TXNDC16: variants seen among roughly 807,000 people sequenced by gnomAD.
TXNDC16 encodes the protein thioredoxin domain-containing protein 16.
TXNDC16 carries 74 observed loss-of-function variants against 85.6 expected under a neutral mutation model. That is an observed-to-expected ratio of 0.86 (90% CI 0.72 to 1.05). The LOEUF is 1.05. Among genes scored for constraint, TXNDC16 ranks in the 50% least tolerant of loss-of-function variants. The pLI is 0.00. For synonymous variants in TXNDC16, 335 were observed against 326.5 expected, an observed-to-expected ratio of 1.03 and a Z score of -0.28; for missense variants, 959 against 947.0, an observed-to-expected ratio of 1.01 and a Z score of -0.17.
In TXNDC16 at chr14:52,440,631, T is replaced by C; in HGVS notation, c.1936A>G (p.Lys646Glu). ...TTTACCAGTGTCAATATTGCTTTTTTATACTGAGGATTTACAGTGCCATCA... is the reference window on the plus strand; with the variant it reads ...TTTACCAGTGTCAATATTGCTTTTTCATACTGAGGATTTACAGTGCCATCA... ...FSDGTVNPQY[K>E]KAILTLVKQK... The change falls in exon 19 of 21, where the codon AAA (lysine) becomes GAA (glutamate). Residue 646 changes from lysine (K) to glutamate (E), a missense_variant. Transcript: ENST00000281741. The C allele has an allele frequency of 6.2e-7, 1 of 1,610,670 alleles. No individual in the cohort carries two copies. The highest frequency in any genetic ancestry group is 8.5e-7 in the Non-Finnish European group (1 of 1,178,976).
In TXNDC16 at chr14:52,470,563, A is replaced by G. The variant is rs761273331; in HGVS notation, c.1430T>C (p.Val477Ala). 1 of 1,614,020 alleles carries G rather than the reference A, an allele frequency of 6.2e-7. No homozygotes were observed. The highest frequency in any genetic ancestry group is 8.5e-7 in the Non-Finnish European group (1 of 1,179,936). Residue 477 changes from valine to alanine, a missense_variant, in exon 15 of 21, where the codon GTA (valine) becomes GCA (alanine). By Grantham distance (64) the Val-to-Ala change is moderately conservative. Transcript: ENST00000281741. ...IKMYKKGENP[V>A]SYAGMLGTED... ...GGTTCCTAACATTCCAGCATAAGATACTGGGTTCTCGCCTTTCTTGTACAT... is the reference window on the plus strand; with the variant it reads ...GGTTCCTAACATTCCAGCATAAGATGCTGGGTTCTCGCCTTTCTTGTACAT...
intron 8 of TXNDC16, 79 bp downstream of exon 8, chr14:52,514,801 G>A (rs894249577): frequency 9.1e-5 from 94 of 1,035,906 alleles, no homozygotes; most frequent in Non-Finnish European, 1.3e-4. Context: ...GGAGCATAAT[G>A]GAAATGCTAA....
intron 16 of TXNDC16, among the ~76,000 whole-genome samples, chr14:52,461,052 T>A (rs906465162): frequency 1.3e-5 from 2 of 151,518 alleles, no homozygotes; most frequent in East Asian, 3.9e-4. Context: ...GTTTTATCTA[T>A]ATCTTTTAGT....
Position 52,490,921 on chromosome 14 carries a change from C to G in TXNDC16, c.841G>C (p.Ala281Pro). The change falls in exon 10 of 21, where the codon GCT becomes CCT. Residue 281 changes from alanine to proline, a missense_variant. Ala to Pro is a conservative substitution (Grantham distance 27). Transcript: ENST00000281741. ...LPLVFIVSQQ[A>P]TYEADRRTAE... is the part of the protein sequence containing the mutation. ...GTTCTTCTATCAGCTTCATAAGTAGCCTGTTGGCTAACAATAAAAACCAGT... is the reference window on the plus strand; with the variant it reads ...GTTCTTCTATCAGCTTCATAAGTAGGCTGTTGGCTAACAATAAAAACCAGT... 6.2e-7 allele frequency: 1 copy of G among 1,612,810 alleles called. No homozygotes were observed. Among genetic ancestry groups the G allele is most frequent in the Non-Finnish European group, 8.5e-7 (1 of 1,179,778 alleles).
rs1192135039 is a variant in TXNDC16, at chr14:52,430,970, A to G, written c.*1334T>C. ...TTATAAAAATCAGTTGTATCAGGCA[A>G]ACCATATGTGAAGAAAATTTAAAGA... On this transcript the variant is annotated 3_prime_UTR_variant, in exon 21 of 21. Coordinates refer to ENST00000281741, the MANE Select transcript of TXNDC16 (RefSeq NM_020784.3). 1 of 152,216 alleles carries G rather than the reference A, an allele frequency of 6.6e-6. No homozygotes were observed. The highest frequency in any genetic ancestry group is 1.5e-5 in the Non-Finnish European group (1 of 68,048). 9.4% of individuals were successfully genotyped at this position (152,216 alleles called of 1,614,324 possible). A position where few individuals can be genotyped will look rare whatever the true frequency, so the allele number is the denominator to read the frequency against.
intron 6 of TXNDC16, among the ~76,000 whole-genome samples, chr14:52,533,261 G>C (rs1055971812): frequency 6.6e-6 from 1 of 152,154 alleles, no homozygotes; most frequent in African/African-American, 2.4e-5. Flanking sequence ...GATCAGACTA[G>C]AGCTGGGTAG....
At chr14:52,447,622 G>A (rs1014859598) in intron 18 of TXNDC16, among the ~76,000 whole-genome samples, 3 of 152,052 alleles carry the variant, frequency 2.0e-5, no homozygotes, top group African/African-American at 7.2e-5. Flanking sequence ...CACCTTTAAC[G>A]CCCAGACACA....
At chr14:52,552,023 G>A (rs2038063823) in intron 1 of TXNDC16, among the ~76,000 whole-genome samples, 1 of 152,130 alleles carries the variant, frequency 6.6e-6, no homozygotes, top group African/African-American at 2.4e-5. Flanking sequence ...CATTTCCCTT[G>A]GCCTTGGGAG....
At chr14:52,531,094 T>A (rs1249423239) in intron 6 of TXNDC16, among the ~76,000 whole-genome samples, 1 of 152,024 alleles carries the variant, frequency 6.6e-6, no homozygotes. Context: ...TCATAAGTCA[T>A]CAGGGAAATG....
intron 16 of TXNDC16, among the ~76,000 whole-genome samples, chr14:52,468,036 C>G (rs2035817044): frequency 6.6e-6 from 1 of 152,088 alleles, no homozygotes. Context: ...GTATGAGGTA[C>G]ATAGAGTAGC....
intron 9 of TXNDC16, among the ~76,000 whole-genome samples, chr14:52,510,002 A>C (rs1017846361): frequency 6.6e-6 from 1 of 151,562 alleles, no homozygotes; most frequent in African/African-American, 2.4e-5. Flanking sequence ...AAAAAAAAAA[A>C]GAACTAAGGA....
intron 9 of TXNDC16, among the ~76,000 whole-genome samples, chr14:52,501,517 A>G (rs949703559): frequency 2.6e-5 from 4 of 152,222 alleles, no homozygotes; most frequent in African/African-American, 9.6e-5. Flanking sequence ...CCCAACCATG[A>G]TTAAACCCCA....
chr14:52,543,085 T>C (rs949026237), intron 3 of TXNDC16, among the ~76,000 whole-genome samples: 1 of 152,170 alleles, frequency 6.6e-6, no homozygotes, highest in Non-Finnish European at 1.5e-5. Context: ...GTTATGTTAG[T>C]AGCTAACTCT....
At chr14:52,448,428 A>G (rs1196858098) in intron 18 of TXNDC16, among the ~76,000 whole-genome samples, 3 of 152,126 alleles carry the variant, frequency 2.0e-5, no homozygotes, top group African/African-American at 7.2e-5. Flanking sequence ...CTAGAATAGT[A>G]TAACTGGTGA....
chr14:52,493,444 A>G (rs778057806), intron 9 of TXNDC16, among the ~76,000 whole-genome samples: 13 of 152,136 alleles, frequency 8.5e-5, no homozygotes, highest in African/African-American at 1.2e-4. Context: ...AAACCACCAT[A>G]GACAACCTCA....
At chr14:52,502,324 C>G (rs1270016689) in intron 9 of TXNDC16, among the ~76,000 whole-genome samples, 1 of 152,236 alleles carries the variant, frequency 6.6e-6, no homozygotes, top group Non-Finnish European at 1.5e-5. Context: ...AAACCTACTC[C>G]AGACTTTGAT....
chr14:52,466,101 C>T (rs918189225), intron 16 of TXNDC16, among the ~76,000 whole-genome samples: 2 of 151,230 alleles, frequency 1.3e-5, no homozygotes, highest in African/African-American at 4.9e-5. Flanking sequence ...AAATTTCCAA[C>T]ATTTTATTAC....
chr14:52,519,090 C>CA (rs1290888718), intron 7 of TXNDC16, 82 bp downstream of exon 7: 20 of 1,361,704 alleles, frequency 1.5e-5, no homozygotes, highest in African/African-American at 5.9e-5. Context: ...CGACTGTAGT[C>CA]AAAAAAATAC....
Position 52,470,046 on chromosome 14 carries a change from T to C in TXNDC16, c.1609A>G (p.Met537Val), listed in dbSNP as rs1189537991. 5 of 1,607,814 alleles carry C rather than the reference T, an allele frequency of 3.1e-6. No individual in the cohort carries two copies. The East Asian group carries it at 6.7e-5, about 22-fold the overall frequency. ...VSVLGLFSPT[M>V]KTAKEDFSEA... ...GCTCAGCTCTGCTTACCTGTTTTCA[T>C]GGTTGGACTAAATAGTCCCAATACT... The change falls in exon 16 of 21, where the codon ATG (methionine) becomes GTG (valine). Residue 537 changes from methionine to valine, a missense_variant. By Grantham distance (21) the Met-to-Val change is conservative. Coordinates refer to ENST00000281741, the MANE Select transcript of TXNDC16 (RefSeq NM_020784.3).
Sources: allele counts gnomAD v4.1 joint callset (sites outside exome capture counted in the v4.1 genomes callset), GRCh38; gene constraint gnomAD v4.1.1; transcripts MANE v1.5; gene names NCBI Gene and HGNC (gene_info 2026-07-23, HGNC 2026-07-21).